NRG3: variants seen among roughly 807,000 people sequenced by gnomAD.
NRG3 encodes the protein neuregulin 3.
NRG3 carries 31 observed loss-of-function variants against 66.9 expected under a neutral mutation model. That is an observed-to-expected ratio of 0.46 (90% CI 0.35 to 0.63). The LOEUF (loss-of-function observed/expected upper bound fraction) is 0.63. Among genes scored for constraint, NRG3 ranks in the 20% least tolerant of loss-of-function variants. The pLI, the probability that NRG3 is intolerant of heterozygous loss-of-function variation, is 0.00. For synonymous variants in NRG3, 393 were observed against 359.4 expected (o/e 1.09, Z -1.06); for missense variants, 910 against 878.9 (o/e 1.04, Z -0.45).
intron 2 of NRG3, among the ~76,000 whole-genome samples, chr10:82,546,020 C>T (rs778743319): frequency 6.6e-4 from 101 of 152,138 alleles, no homozygotes; most frequent in Middle Eastern, 3.4e-3. Flanking sequence ...CCGACCACCT[C>T]AGCCTCCCAA....
intron 1 of NRG3, among the ~76,000 whole-genome samples, chr10:82,115,178 T>A (rs769965106): frequency 9.2e-5 from 14 of 152,126 alleles, no homozygotes; most frequent in Admixed American, 1.3e-4. Context: ...TAGTCCTTGC[T>A]GACCTTCTGT....
intron 2 of NRG3, among the ~76,000 whole-genome samples, chr10:82,545,490 G>A (rs1275367801): frequency 2.8e-5 from 4 of 145,244 alleles, no homozygotes; most frequent in South Asian, 4.4e-4. Flanking sequence ...GCCATTCTCC[G>A]GCCTCAGCCT....
In NRG3 at chr10:82,865,453, T is replaced by C; in HGVS notation, c.1054+16T>C. The C allele has an allele frequency of 1.9e-6, 3 of 1,611,720 alleles. No individual in the cohort carries two copies. The highest frequency in any genetic ancestry group is 2.5e-6 in the Non-Finnish European group (3 of 1,178,432). ...GAATTCATGGGTAAGACTAAACAAT[T>C]TGCTCATTTAATATCCTGGAAATGC... On this transcript the variant is annotated intron_variant, in intron 4 of 8. Coordinates refer to ENST00000372141, the MANE Select transcript of NRG3 (RefSeq NM_001010848.4).
At chr10:82,600,408 T>A (rs533706340) in intron 2 of NRG3, among the ~76,000 whole-genome samples, 1 of 152,310 alleles carries the variant, frequency 6.6e-6, no homozygotes, top group African/African-American at 2.4e-5. Flanking sequence ...AGTCCTTTTT[T>A]TGGAATATAT....
intron 1 of NRG3, among the ~76,000 whole-genome samples, chr10:82,330,673 C>T (rs184355004): frequency 7.2e-5 from 11 of 152,224 alleles, no homozygotes; most frequent in Admixed American, 2.0e-4. Flanking sequence ...TGATAAATAG[C>T]GTTTTCCATA....
At chr10:82,396,211 C>T (rs1397710802) in intron 2 of NRG3, among the ~76,000 whole-genome samples, 3 of 152,004 alleles carry the variant, frequency 2.0e-5, no homozygotes, top group Non-Finnish European at 2.9e-5. Context: ...TTTTGCTGTC[C>T]TCCCTCGCTG....
At chr10:82,535,751 G>A (rs1371056439) in intron 2 of NRG3, among the ~76,000 whole-genome samples, 1 of 152,072 alleles carries the variant, frequency 6.6e-6, no homozygotes, top group Admixed American at 6.6e-5. Context: ...TAATTTGAGT[G>A]GAATTATTTA....
intron 1 of NRG3, among the ~76,000 whole-genome samples, chr10:82,207,878 C>T (rs1316868710): frequency 6.6e-6 from 1 of 152,130 alleles, no homozygotes; most frequent in Non-Finnish European, 1.5e-5. Context: ...TCTCCCTTGA[C>T]AGTGGGGATT....
chr10:82,111,195 A>C (rs1376222082), intron 1 of NRG3, among the ~76,000 whole-genome samples: 1 of 152,222 alleles, frequency 6.6e-6, no homozygotes, highest in Non-Finnish European at 1.5e-5. Context: ...TCTGAACCCC[A>C]GACTTTATTC....
At chr10:82,252,729 T>A (rs1278304027) in intron 1 of NRG3, among the ~76,000 whole-genome samples, 5 of 152,198 alleles carry the variant, frequency 3.3e-5, no homozygotes, top group Admixed American at 3.3e-4. Context: ...TCAGTTTTTC[T>A]ATTCAAGGTT....
intron 2 of NRG3, among the ~76,000 whole-genome samples, chr10:82,484,292 G>A (rs2132175776): frequency 6.6e-6 from 1 of 152,266 alleles, no homozygotes; most frequent in African/African-American, 2.4e-5. Flanking sequence ...TCTGAACCCA[G>A]GTATCACCAC....
chr10:82,775,202 A>G lies in NRG3; in HGVS notation c.1027+36552A>G, dbSNP rs2059866064. ...GTTCCTAGAGGCATAATATAGGGCTATATATTTGGGATCTTTTTTTTTTTT... is the reference window on the plus strand; with the variant it reads ...GTTCCTAGAGGCATAATATAGGGCTGTATATTTGGGATCTTTTTTTTTTTT... On this transcript the variant is annotated intron_variant, in intron 3 of 8. Transcript: ENST00000372141. Among the ~76,000 whole-genome samples the G allele has an allele frequency of 2.7e-5, 4 of 146,556 alleles. No individual in the cohort carries two copies. The South Asian group carries it at 8.4e-4, about 31-fold the overall frequency.
chr10:82,638,483 G>A (rs1320244695), intron 2 of NRG3, among the ~76,000 whole-genome samples: 1 of 151,998 alleles, frequency 6.6e-6, no homozygotes, highest in African/African-American at 2.4e-5. Flanking sequence ...CCTTACATTT[G>A]CCCGGTTTGA....
At chr10:82,164,897 A>G (rs928079211) in intron 1 of NRG3, among the ~76,000 whole-genome samples, 4 of 152,156 alleles carry the variant, frequency 2.6e-5, no homozygotes, top group African/African-American at 9.7e-5. Flanking sequence ...AGGAGAAGTT[A>G]TAGGAGTTAT....
intron 1 of NRG3, among the ~76,000 whole-genome samples, chr10:81,953,307 C>T (rs577949547): frequency 1.3e-5 from 2 of 152,240 alleles, no homozygotes; most frequent in African/African-American, 4.8e-5. Context: ...GGGTATGCCC[C>T]TTGAGGTGAT....
chr10:81,902,742 A>G (rs1844198279), intron 1 of NRG3, among the ~76,000 whole-genome samples: 1 of 152,208 alleles, frequency 6.6e-6, no homozygotes, highest in Admixed American at 6.5e-5. Context: ...CGTGGTTTAC[A>G]CACAGGTAGC....
rs146709188 is a variant in NRG3, at chr10:81,887,734, A to C, written c.823+11571A>C. On this transcript the variant is annotated intron_variant, in intron 1 of 8. Transcript: ENST00000372141. Reference sequence around the variant, plus strand: ...GTCCTTCAAATAGTTCACAAATGCAATGTTGGTCCAAAAGAGCCAGAACAA... The same window carrying C: ...GTCCTTCAAATAGTTCACAAATGCACTGTTGGTCCAAAAGAGCCAGAACAA... 6.7e-3 allele frequency among the ~76,000 whole-genome samples: 1,022 copies of C among 152,260 alleles called. 3 individuals carry two copies. Among genetic ancestry groups the C allele is most frequent in the Non-Finnish European group, 0.011 (732 of 68,016 alleles).
chr10:82,627,686 TC>T (rs1447962800), intron 2 of NRG3, among the ~76,000 whole-genome samples: 3 of 152,150 alleles, frequency 2.0e-5, no homozygotes, highest in Non-Finnish European at 4.4e-5. Flanking sequence ...TTGCAGTTAT[TC>T]TAACACAGGT....
intron 1 of NRG3, among the ~76,000 whole-genome samples, chr10:82,058,063 T>C (rs1014074663): frequency 6.6e-6 from 1 of 152,014 alleles, no homozygotes; most frequent in Admixed American, 6.6e-5. Context: ...TTATTTGATA[T>C]GTTATATTAT....
Sources: allele counts gnomAD v4.1 joint callset (sites outside exome capture counted in the v4.1 genomes callset), GRCh38; gene constraint gnomAD v4.1.1; transcripts MANE v1.5; gene names NCBI Gene and HGNC (gene_info 2026-07-23, HGNC 2026-07-21).